Variants in APBB2 observed in about 807,000 individuals in gnomAD.
APBB2 encodes Fe65-like 1.
APBB2 carries 38 observed loss-of-function variants against 82.5 expected under a neutral mutation model. That is an observed-to-expected ratio of 0.46 (90% CI 0.36 to 0.60). The LOEUF is 0.60. APBB2 is among the 20% of genes least tolerant of loss of function. The pLI, the probability that APBB2 is intolerant of heterozygous loss-of-function variation, is 0.00. For synonymous variants in APBB2, 341 were observed against 368.2 expected (o/e 0.93, Z 0.85); for missense variants, 772 against 972.3 (o/e 0.79, Z 2.74).
chr4:41,172,802 G>T (rs1278934475), intron 1 of APBB2, among the ~76,000 whole-genome samples: 1 of 152,152 alleles, frequency 6.6e-6, no homozygotes, highest in Non-Finnish European at 1.5e-5. Flanking sequence ...TGATGGAAGG[G>T]GGAAAAGTCA....
chr4:41,155,234 G>T (rs6447668), intron 1 of APBB2, among the ~76,000 whole-genome samples: 38,460 of 152,054 alleles, frequency 0.25, 5,314 homozygotes, highest in African/African-American at 0.37. Context: ...TTCTTATTTG[G>T]AACTGTTTTT....
intron 2 of APBB2, among the ~76,000 whole-genome samples, chr4:41,102,266 C>T (rs1745731476): frequency 6.6e-6 from 1 of 152,172 alleles, no homozygotes; most frequent in South Asian, 2.1e-4. Flanking sequence ...ACCCTGCAAA[C>T]ACCATAAGCA....
At chr4:41,213,042 T>C (rs1034223546) in intron 1 of APBB2, among the ~76,000 whole-genome samples, 2 of 151,334 alleles carry the variant, frequency 1.3e-5, no homozygotes, top group African/African-American at 2.4e-5. Flanking sequence ...TGCATTATTA[T>C]GGCCATTTGG....
At chr4:41,040,284 T>A (rs1720851397) in intron 4 of APBB2, among the ~76,000 whole-genome samples, 2 of 152,168 alleles carry the variant, frequency 1.3e-5, no homozygotes, top group South Asian at 4.1e-4. Flanking sequence ...ACATACCGAT[T>A]CCCTCTTACT....
chr4:41,164,503 A>C (rs1765985395), intron 1 of APBB2, among the ~76,000 whole-genome samples: 1 of 152,254 alleles, frequency 6.6e-6, no homozygotes, highest in Non-Finnish European at 1.5e-5. Context: ...CCCTAGATAC[A>C]TAATTTCCCT....
At chr4:41,203,733 T>C (rs1423318345) in intron 1 of APBB2, among the ~76,000 whole-genome samples, 1 of 152,066 alleles carries the variant, frequency 6.6e-6, no homozygotes, top group Non-Finnish European at 1.5e-5. Context: ...CCAGGCCTGG[T>C]TCCCTTCCTG....
rs111676334 is a variant in APBB2 at position 40,827,150 on chromosome 4, G to C, written c.1714C>G (p.Leu572Val). The change falls in exon 14 of 18, where the codon CTC (leucine) becomes GTC (valine). Residue 572 changes from leucine (L) to valine (V), a missense_variant. Physicochemically the swap from Leu to Val is conservative, Grantham distance 32. Transcript: ENST00000508593. Reference protein sequence around the residue: ...SSLQERANVNLDVPLQVDFPT... With the variant: ...SSLQERANVNVDVPLQVDFPT... ...GACTTACCTTGCAAAGGGACATCGA[G>C]GTTCACATTGGCCCTTTCCTGTAAG... The C allele has an allele frequency of 1.2e-4, 201 of 1,614,056 alleles. No individual in the cohort carries two copies. Among genetic ancestry groups the C allele is most frequent in the Middle Eastern group, 6.6e-4 (4 of 6,082 alleles).
At chr4:41,177,515 A>G (rs1422588299) in intron 1 of APBB2, 1 of 152,216 alleles carries the variant, frequency 6.6e-6, no homozygotes, top group Non-Finnish European at 1.5e-5. Context: ...GAGGAATGAA[A>G]TATATTGAAA....
At chr4:41,210,893 T>G (rs1255668967) in intron 1 of APBB2, among the ~76,000 whole-genome samples, 1 of 152,232 alleles carries the variant, frequency 6.6e-6, no homozygotes, top group African/African-American at 2.4e-5. Context: ...CAGCTGACAT[T>G]TATGCATAGA....
chr4:41,163,604 T>G (rs1360658837), intron 1 of APBB2, among the ~76,000 whole-genome samples: 1 of 152,158 alleles, frequency 6.6e-6, no homozygotes, highest in African/African-American at 2.4e-5. Flanking sequence ...TAAACAAGCG[T>G]CAGTCAAAAA....
At position 41,032,778 on chromosome 4, in the gene APBB2, C is replaced by CTTTTTTTTTTTTTT. The variant is rs11421268; in HGVS notation, c.19+444_19+457dup. Among the ~76,000 whole-genome samples, 175 of 84,318 alleles carry CTTTTTTTTTTTTTT rather than the reference C, an allele frequency of 2.1e-3. 3 individuals are homozygous for CTTTTTTTTTTTTTT. Among genetic ancestry groups the CTTTTTTTTTTTTTT allele is most frequent in the Admixed American group, 3.8e-3 (20 of 5,244 alleles). The allele number at this position is 84,318 out of a possible 152,430, so 55.3% of individuals were successfully genotyped here. On this transcript the variant is annotated intron_variant, in intron 5 of 17. Coordinates refer to ENST00000508593, the MANE Select transcript of APBB2 (RefSeq NM_004307.2). ...TGATTTTAAAGATTCATTTTTCTTT[C>CTTTTTTTTTTTTTT]TTTTTTTTTTTTTTTTTTTTTTTTG...
intron 7 of APBB2, among the ~76,000 whole-genome samples, chr4:40,941,691 G>T (rs1449790164): frequency 6.6e-6 from 1 of 152,212 alleles, no homozygotes; most frequent in Admixed American, 6.5e-5. Flanking sequence ...GTGCTATGGT[G>T]TGATCATAGC....
intron 6 of APBB2, among the ~76,000 whole-genome samples, chr4:40,996,180 T>C (rs1190957334): frequency 6.6e-6 from 1 of 152,242 alleles, no homozygotes; most frequent in Middle Eastern, 3.2e-3. Context: ...GTGTCATCAC[T>C]GTATTTGAGA....
At chr4:41,079,693 C>T (rs367572537) in intron 3 of APBB2, among the ~76,000 whole-genome samples, 14 of 152,042 alleles carry the variant, frequency 9.2e-5, no homozygotes, top group African/African-American at 2.9e-4. Context: ...GGACTACAGG[C>T]GCAGGCCATC....
chr4:40,948,890 C>CAAAAAAAA lies in APBB2; in HGVS notation c.836-3825_836-3818dup, dbSNP rs59172492. Among the ~76,000 whole-genome samples, 5 of 101,614 alleles carry CAAAAAAAA rather than the reference C, an allele frequency of 4.9e-5. 1 individual carries two copies. Among genetic ancestry groups the CAAAAAAAA allele is most frequent in the African/African-American group, 2.0e-4 (5 of 24,596 alleles). The allele number at this position is 101,614 out of a possible 152,430, so 66.7% of individuals were successfully genotyped here. ...GGTGACAGAAGTGAGATCCTGTCTCCAAAAAAAAAAAAAAAAAAAAAAAAA... is the reference window on the plus strand; with the variant it reads ...GGTGACAGAAGTGAGATCCTGTCTCCAAAAAAAAAAAAAAAAAAAAAAAAAAAAAAAAA... On this transcript the variant is annotated intron_variant, in intron 6 of 17. Transcript: ENST00000508593.
chr4:40,836,503 CAAAA>C (rs1258291748), intron 12 of APBB2, among the ~76,000 whole-genome samples: 2 of 151,384 alleles, frequency 1.3e-5, no homozygotes, highest in Non-Finnish European at 3.0e-5. Context: ...AACAAACAAA[CAAAA>C]AACATGTCAA....
intron 12 of APBB2, among the ~76,000 whole-genome samples, chr4:40,849,618 C>A (rs1758670150): frequency 1.3e-5 from 2 of 152,030 alleles, no homozygotes; most frequent in South Asian, 4.1e-4. Context: ...TTGGGGAGCC[C>A]ACAAAGCATT....
At chr4:41,050,147 A>G (rs1049207843) in intron 4 of APBB2, among the ~76,000 whole-genome samples, 1 of 152,250 alleles carries the variant, frequency 6.6e-6, no homozygotes, top group Non-Finnish European at 1.5e-5. Flanking sequence ...AAAAATATTT[A>G]CCTCACATGG....
intron 4 of APBB2, among the ~76,000 whole-genome samples, chr4:41,063,919 T>G (rs1333718370): frequency 1.3e-5 from 2 of 150,752 alleles, no homozygotes; most frequent in Non-Finnish European, 2.9e-5. Flanking sequence ...GCTCAAGTGA[T>G]CTGCCTACCT....
Sources: gnomAD v4.1 joint callset for allele counts (sites outside exome capture counted in the v4.1 genomes callset) on GRCh38, gnomAD v4.1.1 for gene constraint, MANE v1.5 for transcripts, NCBI Gene and HGNC (gene_info 2026-07-23, HGNC 2026-07-21) for gene names.